The following MEIOSIN variants were observed in gnomAD, a reference collection of about 807,000 sequenced individuals.
MEIOSIN encodes meiosis initiator.
A neutral mutation model predicts 23.4 loss-of-function variants in MEIOSIN; 18 were observed. That is an observed-to-expected ratio of 0.77 (90% CI 0.53 to 1.14). The LOEUF (loss-of-function observed/expected upper bound fraction) is 1.14. Ranked by LOEUF, MEIOSIN falls within the 50% of genes most tolerant of loss-of-function variation. MEIOSIN has a pLI of 0.00. For synonymous variants in MEIOSIN, 187 were observed against 100.6 expected, an observed-to-expected ratio of 1.86 and a Z score of -5.14; for missense variants, 428 against 242.9, an observed-to-expected ratio of 1.76 and a Z score of -5.07.
At chr19:45,752,859 C>T (rs1202577482) in intron 5 of MEIOSIN, among the ~76,000 whole-genome samples, 1 of 151,942 alleles carries the variant, frequency 6.6e-6, no homozygotes, top group African/African-American at 2.4e-5. Flanking sequence ...TTGCCTGTCC[C>T]CAGACACCCC....
chr19:45,757,128 T>G (rs1384899533), intron 8 of MEIOSIN, 49 bp from the exon 9 acceptor site: 1 of 698,348 alleles, frequency 1.4e-6, no homozygotes, highest in East Asian at 2.7e-5. Flanking sequence ...CCATAGCAGT[T>G]TCTAGCCCAG....
chr19:45,759,154 C>A (rs1600390819), intron 10 of MEIOSIN, 121 bp downstream of exon 10: 1 of 651,418 alleles, frequency 1.5e-6, no homozygotes, highest in East Asian at 2.7e-5. Flanking sequence ...TCAAGGAGCC[C>A]ACGGCCTAGT....
chr19:45,763,474 C>T (rs1228552020), intron 14 of MEIOSIN, 47 bp downstream of exon 14: 2 of 398,440 alleles, frequency 5.0e-6, no homozygotes, highest in African/African-American at 4.1e-5. Flanking sequence ...GGAAGAGCCT[C>T]CCTACCCCGG....
In MEIOSIN at chr19:45,761,685, G is replaced by C. The variant is rs1968944502; in HGVS notation, c.1252G>C (p.Ala418Pro). The C allele has an allele frequency of 1.4e-6, 1 of 702,498 alleles. No homozygotes were observed. The highest frequency in any genetic ancestry group is 1.7e-5 in the African/African-American group (1 of 57,212). 43.5% of individuals were successfully genotyped at this position (702,498 alleles called of 1,614,324 possible). ...TQEAPQEKDTASKAPKDPPES... is the reference protein window; with the variant it reads ...TQEAPQEKDTPSKAPKDPPES... ...CTCCCTCATCATGCCCCAGGACACA[G>C]CCTCCAAGGCCCCCAAAGACCCTCC... is the stretch of plus-strand genomic sequence containing the variant. Residue 418 changes from alanine to proline, a missense_variant, in exon 12 of 15, where the codon GCC becomes CCC. By Grantham distance (27) the Ala-to-Pro change is conservative. Coordinates refer to ENST00000457052, the MANE Select transcript of MEIOSIN (RefSeq NM_001310124.2).
chr19:45,761,846 G>A lies in MEIOSIN; in HGVS notation c.1413G>A (p.Glu471=), dbSNP rs771350248. The A allele has an allele frequency of 4.4e-6, 3 of 682,320 alleles. No individual in the cohort carries two copies. The highest frequency in any genetic ancestry group is 8.1e-6 in the Non-Finnish European group (3 of 372,662). The allele number at this position is 682,320 out of a possible 1,614,324, so 42.3% of individuals were successfully genotyped here. Residue 471 remains glutamate (E), a synonymous_variant, in exon 12 of 15, where the codon GAG becomes GAA. Transcript: ENST00000457052. ...SSSSSEDSDS[E]PLWKQREDMQ... is the part of the protein sequence containing the mutation. ...CCAGCTCGGAGGACAGCGACTCGGA[G>A]CCCCTGTGGAAGCAGCGAGAGGTGA...
chr19:45,762,916 G>A lies in MEIOSIN; in HGVS notation c.1680-422G>A, dbSNP rs574449583. Among the ~76,000 whole-genome samples, 7 of 152,334 alleles carry A rather than the reference G, an allele frequency of 4.6e-5. No individual in the cohort carries two copies. The East Asian group carries it at 1.3e-3, about 29-fold the overall frequency. On this transcript the variant is annotated intron_variant, in intron 13 of 14. Coordinates refer to ENST00000457052, the MANE Select transcript of MEIOSIN (RefSeq NM_001310124.2). ...TCTGGCAGGTGGGGTCACCCCAGGA[G>A]GCACAGGCTCGGGTCCTGTCCCCCA... is the stretch of plus-strand genomic sequence containing the variant.
At chr19:45,749,538 G>A (rs147129985) in intron 4 of MEIOSIN, among the ~76,000 whole-genome samples, 255 of 150,366 alleles carry the variant, frequency 1.7e-3, no homozygotes, top group African/African-American at 5.6e-3. Context: ...TTAGCGAGGC[G>A]TGGTGGAGGG....
intron 9 of MEIOSIN, among the ~76,000 whole-genome samples, chr19:45,758,199 G>T (rs1438830124): frequency 1.3e-5 from 2 of 151,840 alleles, no homozygotes; most frequent in African/African-American, 4.8e-5. Flanking sequence ...TCACCGTGTT[G>T]GCCAGGCTGG....
Position 45,757,282 on chromosome 19 carries a change from C to G in MEIOSIN, c.1012+5C>G, listed in dbSNP as rs773282224. On this transcript the variant is annotated splice_donor_5th_base_variant and intron_variant, in intron 9 of 14. Transcript: ENST00000457052. ...CCCCAGAGAACAGCCCCCAAGGTGA[C>G]TGCAACTCTGTCTCTCCTCCTTGTA... The G allele has an allele frequency of 4.6e-5, 32 of 701,722 alleles. 1 individual carries two copies. The highest frequency in any genetic ancestry group is 4.3e-4 in the East Asian group (16 of 37,258). 43.5% of individuals were successfully genotyped at this position (701,722 alleles called of 1,614,324 possible). A position where few individuals can be genotyped will look rare whatever the true frequency, so the allele number is the denominator to read the frequency against.
chr19:45,762,660 C>G (rs1002490509), intron 13 of MEIOSIN, among the ~76,000 whole-genome samples: 2 of 152,140 alleles, frequency 1.3e-5, no homozygotes, highest in African/African-American at 4.8e-5. Flanking sequence ...AGGCTGGTCT[C>G]GAATGCCTCA....
intron 3 of MEIOSIN, among the ~76,000 whole-genome samples, chr19:45,742,945 G>A (rs997334281): frequency 6.6e-6 from 1 of 152,164 alleles, no homozygotes; most frequent in African/African-American, 2.4e-5. Context: ...AAAACCCAGA[G>A]GGCACAGCTG....
Position 45,762,003 on chromosome 19 carries a change from C to T in MEIOSIN, c.1499C>T (p.Thr500Ile). The T allele has an allele frequency of 1.9e-6, 1 of 513,522 alleles. No individual in the cohort carries two copies. The highest frequency in any genetic ancestry group is 3.5e-6 in the Non-Finnish European group (1 of 288,684). 31.8% of individuals were successfully genotyped at this position (513,522 alleles called of 1,614,324 possible). Reference protein sequence around the residue: ...SSEEDEDTTWTPTRLASPLLA... With the variant: ...SSEEDEDTTWIPTRLASPLLA... Reference sequence around the variant, plus strand: ...GAAGAGGACGAAGACACCACATGGACCCCCACCCGGCTGGCCTCACCCCTG... The same window carrying T: ...GAAGAGGACGAAGACACCACATGGATCCCCACCCGGCTGGCCTCACCCCTG... Residue 500 changes from threonine to isoleucine, a missense_variant, in exon 13 of 15, where the codon ACC (threonine) becomes ATC (isoleucine). Thr to Ile is a moderately conservative substitution (Grantham distance 89). Coordinates refer to ENST00000457052, the MANE Select transcript of MEIOSIN (RefSeq NM_001310124.2).
chr19:45,756,025 T>A lies in MEIOSIN; in HGVS notation c.858T>A (p.Ala286=). 1 of 702,910 alleles carries A rather than the reference T, an allele frequency of 1.4e-6. No individual in the cohort carries two copies. Among genetic ancestry groups the A allele is most frequent in the Non-Finnish European group, 2.6e-6 (1 of 384,994 alleles). 43.5% of individuals were successfully genotyped at this position (702,910 alleles called of 1,614,324 possible). A position where few individuals can be genotyped will look rare whatever the true frequency, so the allele number is the denominator to read the frequency against. The change falls in exon 8 of 15, where the codon GCT becomes GCA. Residue 286 remains alanine (A), a synonymous_variant. Transcript: ENST00000457052. ...QDDAPFPALL[A]QEDVARIHFL... The stretch of plus-strand genomic sequence containing the variant: ...ACGCACCTTTCCCTGCGCTCCTGGC[T>A]CAGGAAGATGTGGCGAGGATCCATT...
Position 45,757,262 on chromosome 19 carries a change from G to A in MEIOSIN, c.997G>A (p.Glu333Lys), listed in dbSNP as rs531279224. The change falls in exon 9 of 15, where the codon GAG becomes AAG. Residue 333 changes from glutamate to lysine, a missense_variant. Glu to Lys is a moderately conservative substitution (Grantham distance 56). Coordinates refer to ENST00000457052, the MANE Select transcript of MEIOSIN (RefSeq NM_001310124.2). ...ADPWLPAWTP[E>K]NSPQGSPLFL... Reference sequence around the variant, plus strand: ...CCCTTGGCTCCCTGCCTGGACCCCAGAGAACAGCCCCCAAGGTGACTGCAA... The same window carrying A: ...CCCTTGGCTCCCTGCCTGGACCCCAAAGAACAGCCCCCAAGGTGACTGCAA... 4.2e-4 allele frequency: 294 copies of A among 702,898 alleles called. No homozygotes were observed. Among genetic ancestry groups the A allele is most frequent in the African/African-American group, 3.8e-3 (216 of 57,390 alleles). 43.5% of individuals were successfully genotyped at this position (702,898 alleles called of 1,614,324 possible).
In MEIOSIN at chr19:45,734,784, C is replaced by T. The variant is rs1009083745; in HGVS notation, c.1-593C>T. ...CCTCCCAAAGTGCTAGGATTACAGG[C>T]GTGAGCCACTGTACCTGGCTTTGGG... On this transcript the variant is annotated intron_variant, in intron 1 of 14. Coordinates refer to ENST00000457052, the MANE Select transcript of MEIOSIN (RefSeq NM_001310124.2). Among the ~76,000 whole-genome samples the T allele has an allele frequency of 2.0e-5, 3 of 148,298 alleles. No individual in the cohort carries two copies. The East Asian group carries it at 6.1e-4, about 30-fold the overall frequency.
chr19:45,746,569 C>T (rs1355883719), intron 4 of MEIOSIN, among the ~76,000 whole-genome samples: 1 of 152,056 alleles, frequency 6.6e-6, no homozygotes, highest in African/African-American at 2.4e-5. Flanking sequence ...ACAGCGGGCT[C>T]AGTAGTTTGG....
At chr19:45,743,804 G>A (rs1968545817) in intron 3 of MEIOSIN, among the ~76,000 whole-genome samples, 1 of 152,112 alleles carries the variant, frequency 6.6e-6, no homozygotes, top group Admixed American at 6.6e-5. Context: ...TTACAGGTGT[G>A]AGCCACCATG....
intron 8 of MEIOSIN, among the ~76,000 whole-genome samples, chr19:45,756,910 C>T (rs1968841361): frequency 6.6e-6 from 1 of 152,200 alleles, no homozygotes; most frequent in South Asian, 2.1e-4. Context: ...GCCTGCTTCC[C>T]TGTGCCCCTG....
chr19:45,761,560 A>G, intron 11 of MEIOSIN, 119 bp from the exon 12 acceptor site: 1 of 577,816 alleles, frequency 1.7e-6, no homozygotes, highest in Non-Finnish European at 3.1e-6. Flanking sequence ...GTAAGCCACC[A>G]CACCCTGCCA....
Sources: gnomAD v4.1 joint callset for allele counts (sites outside exome capture counted in the v4.1 genomes callset) on GRCh38, gnomAD v4.1.1 for gene constraint, MANE v1.5 for transcripts, NCBI Gene and HGNC (gene_info 2026-07-23, HGNC 2026-07-21) for gene names.